Variants in DPYSL3 observed in about 807,000 individuals in gnomAD.
DPYSL3 encodes dihydropyrimidinase-related protein 3.
Under a neutral mutation model 66.1 loss-of-function variants are expected in DPYSL3, and 16 were observed. The observed-to-expected ratio is 0.24, with a 90% CI of 0.16 to 0.37. The LOEUF is 0.37. Among genes scored for constraint, DPYSL3 ranks in the 10% least tolerant of loss-of-function variants. DPYSL3 has a pLI of 1.00. For missense variants in DPYSL3, 738 were observed against 916.2 expected (o/e 0.81, Z 2.51); for synonymous variants, 338 against 345.1 (o/e 0.98, Z 0.23).
intron 12 of DPYSL3, among the ~76,000 whole-genome samples, 199 bp from the exon 13 acceptor site, chr5:147,395,920 G>C (rs1267258108): frequency 6.6e-6 from 1 of 152,130 alleles, no homozygotes; most frequent in Admixed American, 6.5e-5. Flanking sequence ...GATGTGGTCA[G>C]TGAAGGCCCT....
At chr5:147,484,708 G>T (rs553211439) in intron 1 of DPYSL3, among the ~76,000 whole-genome samples, 4 of 152,264 alleles carry the variant, frequency 2.6e-5, no homozygotes, top group Admixed American at 2.0e-4. Context: ...AAAAATCGAG[G>T]CATATAACTC....
chr5:147,500,810 A>G (rs1309425051), intron 1 of DPYSL3, among the ~76,000 whole-genome samples: 1 of 152,206 alleles, frequency 6.6e-6, no homozygotes, highest in Non-Finnish European at 1.5e-5. Context: ...CAGAACACTG[A>G]CAACATCAAA....
At chr5:147,459,209 A>G (rs1042448301) in intron 1 of DPYSL3, among the ~76,000 whole-genome samples, 1 of 152,160 alleles carries the variant, frequency 6.6e-6, no homozygotes, top group Non-Finnish European at 1.5e-5. Flanking sequence ...ACCATTAAAA[A>G]TATTTTTTAC....
intron 1 of DPYSL3, among the ~76,000 whole-genome samples, chr5:147,430,530 A>G (rs1003334261): frequency 6.6e-6 from 1 of 151,668 alleles, no homozygotes; most frequent in Non-Finnish European, 1.5e-5. Context: ...AAAAAGAAAA[A>G]AAAGGAAAAA....
chr5:147,401,436 A>C, intron 9 of DPYSL3, 104 bp downstream of exon 9: 1 of 1,321,316 alleles, frequency 7.6e-7, no homozygotes, highest in Non-Finnish European at 1.0e-6. Flanking sequence ...CACACTGCAG[A>C]CTCTGGTCAA....
At chr5:147,454,558 A>C (rs1156988105) in intron 1 of DPYSL3, among the ~76,000 whole-genome samples, 2 of 152,230 alleles carry the variant, frequency 1.3e-5, no homozygotes, top group Non-Finnish European at 2.9e-5. Flanking sequence ...AATCAAAGAA[A>C]GAACATGAAT....
chr5:147,445,018 A>G (rs1752604976), intron 1 of DPYSL3, among the ~76,000 whole-genome samples: 1 of 152,134 alleles, frequency 6.6e-6, no homozygotes, highest in Non-Finnish European at 1.5e-5. Context: ...GACCTCAATT[A>G]AGATCTATGT....
rs1445024714 is a variant in DPYSL3 at position 147,418,641 on chromosome 5, C to A, written c.471-10G>T. On this transcript the variant is annotated splice_polypyrimidine_tract_variant and intron_variant, in intron 2 of 13. Transcript: ENST00000343218. ...ATTGTCTCCAATTTGTCTGGTGAAA[C>A]AAACAAACAAAAAAATGATCAAACA... 1.2e-5 allele frequency: 19 copies of A among 1,554,248 alleles called. No individual in the cohort carries two copies. In the Admixed American group the frequency reaches 1.5e-4, roughly 12 times the overall value.
intron 1 of DPYSL3, among the ~76,000 whole-genome samples, chr5:147,476,251 T>C (rs548473101): frequency 6.6e-6 from 1 of 152,308 alleles, no homozygotes; most frequent in South Asian, 2.1e-4. Flanking sequence ...CATGATCATC[T>C]AGTTAAAAGA....
In DPYSL3 at chr5:147,510,042, C is replaced by G. The variant is rs1005091327; in HGVS notation, c.-184G>C. 1 of 1,063,538 alleles carries G rather than the reference C, an allele frequency of 9.4e-7. No homozygotes were observed. Among genetic ancestry groups the G allele is most frequent in the African/African-American group, 1.7e-5 (1 of 60,574 alleles). 65.9% of individuals were successfully genotyped at this position (1,063,538 alleles called of 1,614,324 possible). A position where few individuals can be genotyped will look rare whatever the true frequency, so the allele number is the denominator to read the frequency against. On this transcript the variant is annotated 5_prime_UTR_variant, in exon 1 of 14. Coordinates refer to ENST00000343218, the MANE Select transcript of DPYSL3 (RefSeq NM_001197294.2). ...GCGAGCCAGCGAGCCACACAGCCAG[C>G]TAGCGCGCGGAGCAGGGGCCCAGAG... is the stretch of plus-strand genomic sequence containing the variant.
intron 1 of DPYSL3, among the ~76,000 whole-genome samples, chr5:147,439,409 G>C (rs546734318): frequency 6.6e-6 from 1 of 152,006 alleles, no homozygotes; most frequent in African/African-American, 2.4e-5. Flanking sequence ...CAGAAGCTTT[G>C]AGCTGGACAT....
chr5:147,485,911 GC>G (rs1399632569), intron 1 of DPYSL3, among the ~76,000 whole-genome samples: 6 of 152,046 alleles, frequency 3.9e-5, no homozygotes, highest in Non-Finnish European at 8.8e-5. Context: ...AAAGTGCCTG[GC>G]CCAGCACTAT....
rs773851486 is a variant in DPYSL3 at position 147,415,724 on chromosome 5, G to A, written c.805C>T (p.Leu269Phe). The A allele has an allele frequency of 5.6e-6, 9 of 1,613,958 alleles. No individual in the cohort carries two copies. Among genetic ancestry groups the A allele is most frequent in the Non-Finnish European group, 7.6e-6 (9 of 1,179,956 alleles). ...NDSVKQEVQN[L>F]IKDKGVNSFM... is the part of the protein sequence containing the mutation. ...CCGGGCTCACCTTTGTCCTTGATGA[G>A]GTTCTGCACTTCCTGCTTGACGCTG... The change falls in exon 4 of 14, where the codon CTC becomes TTC. Residue 269 changes from leucine (L) to phenylalanine (F), a missense_variant. By Grantham distance (22) the Leu-to-Phe change is conservative. Transcript: ENST00000343218.
intron 1 of DPYSL3, among the ~76,000 whole-genome samples, chr5:147,462,753 C>A (rs1752952011): frequency 6.6e-6 from 1 of 152,076 alleles, no homozygotes; most frequent in Admixed American, 6.5e-5. Context: ...ACAGCCCAAC[C>A]ACTTTGGCCC....
chr5:147,394,130 T>C lies in DPYSL3; in HGVS notation c.1967-7A>G, dbSNP rs1375815959. The C allele has an allele frequency of 2.5e-6, 4 of 1,613,324 alleles. No individual in the cohort carries two copies. The highest frequency in any genetic ancestry group is 3.4e-6 in the Non-Finnish European group (4 of 1,179,892). On this transcript the variant is annotated splice_polypyrimidine_tract_variant and splice_region_variant and intron_variant, in intron 13 of 13. Transcript: ENST00000343218. ...CCCTCATCCACTTGGGTGCCTACAG[T>C]TGGAAATAAATTCCCAGGGGGAAAA... is the stretch of plus-strand genomic sequence containing the variant.
At chr5:147,455,230 C>T (rs1457543535) in intron 1 of DPYSL3, among the ~76,000 whole-genome samples, 1 of 152,158 alleles carries the variant, frequency 6.6e-6, no homozygotes, top group African/African-American at 2.4e-5. Context: ...TTCCATAAAC[C>T]CGAAACGAAC....
At position 147,415,804 on chromosome 5, in the gene DPYSL3, T is replaced by A; in HGVS notation, c.725A>T (p.Asp242Val). The part of the protein sequence containing the change: ...EAYEKWREWA[D>V]GKSCCDYALH... ...GGCATAGTCACAGCAACTCTTCCCA[T>A]CAGCCCACTCTCTCCATTTCTCATA... The change falls in exon 4 of 14, where the codon GAT becomes GTT. Residue 242 changes from aspartate to valine, a missense_variant. Transcript: ENST00000343218. 1 of 1,614,094 alleles carries A rather than the reference T, an allele frequency of 6.2e-7. No homozygotes were observed.
chr5:147,402,238 A>C lies in DPYSL3; in HGVS notation c.1154-542T>G, dbSNP rs191776039. 2.0e-3 allele frequency among the ~76,000 whole-genome samples: 298 copies of C among 152,362 alleles called. 1 individual carries two copies. The highest frequency in any genetic ancestry group is 6.9e-3 in the African/African-American group (288 of 41,592). On this transcript the variant is annotated intron_variant, in intron 8 of 13. Transcript: ENST00000343218. Reference sequence around the variant, plus strand: ...TCCCACAGTAGGGGCCCAAAGTCCCAAATGTGCACCCACCACTGGGAATTG... The same window carrying C: ...TCCCACAGTAGGGGCCCAAAGTCCCCAATGTGCACCCACCACTGGGAATTG...
In DPYSL3 at chr5:147,405,650, G is replaced by A; in HGVS notation, c.1113C>T (p.Ser371=). The A allele has an allele frequency of 6.2e-7, 1 of 1,613,966 alleles. No homozygotes were observed. Among genetic ancestry groups the A allele is most frequent in the Non-Finnish European group, 8.5e-7 (1 of 1,179,908 alleles). ...NCPLYVTKVM[S]KSAADLISQA... ...GTGAGATGAGGTCAGCTGCACTCTT[G>A]CTCATGACCTTTGTGACGTAGAGAG... is the stretch of plus-strand genomic sequence containing the variant. Residue 371 remains serine (S), a synonymous_variant, in exon 8 of 14, where the codon AGC becomes AGT. Transcript: ENST00000343218.
Sources: allele counts gnomAD v4.1 joint callset (sites outside exome capture counted in the v4.1 genomes callset), GRCh38; gene constraint gnomAD v4.1.1; transcripts MANE v1.5; gene names NCBI Gene and HGNC (gene_info 2026-07-23, HGNC 2026-07-21).